ZNF366: variants seen among roughly 807,000 people sequenced by gnomAD.
ZNF366 encodes the protein zinc finger protein 366, also known as dendritic cell-specific transcript protein.
In ZNF366, 20 loss-of-function variants were observed where a neutral mutation model predicts 47.2. The ratio of observed to expected loss-of-function variants is 0.42; its 90% CI spans 0.30 to 0.62. ZNF366 has a LOEUF of 0.62. ZNF366 is among the 20% of genes least tolerant of loss of function. ZNF366 has a pLI of 0.16. For synonymous variants in ZNF366, 421 were observed against 395.1 expected (o/e 1.07, Z -0.78); for missense variants, 987 against 976.3 (o/e 1.01, Z -0.15).
In ZNF366 at chr5:72,461,176, G is replaced by T; in HGVS notation, c.321C>A (p.His107Gln). The stretch of plus-strand genomic sequence containing the variant: ...ACAGCAAAGGGAGGTTGGGAAGGCC[G>T]TGGTTTTTGTTCTCCTCTGAGTGGA... ...LALHSEENKN[H>Q]GLPNLPLLFP... Residue 107 changes from histidine (H) to glutamine (Q), a missense_variant, in exon 2 of 5, where the codon CAC becomes CAA. This residue lies in a region of ZNF366 where 591 missense variants were observed against 560.9 expected (regional missense o/e 1.05). Transcript: ENST00000318442. 2 of 1,614,140 alleles carry T rather than the reference G, an allele frequency of 1.2e-6. No homozygotes were observed. Among genetic ancestry groups the T allele is most frequent in the Non-Finnish European group, 8.5e-7 (1 of 1,180,034 alleles).
chr5:72,462,441 C>T (rs1743334464), intron 1 of ZNF366, among the ~76,000 whole-genome samples: 1 of 152,064 alleles, frequency 6.6e-6, no homozygotes, highest in Admixed American at 6.5e-5. Context: ...ATAGGCATGT[C>T]TGAAAGAGCT....
chr5:72,485,743 G>T (rs927114613), intron 1 of ZNF366, among the ~76,000 whole-genome samples: 1 of 152,126 alleles, frequency 6.6e-6, no homozygotes, highest in Non-Finnish European at 1.5e-5. Context: ...CACAGTCCGC[G>T]CCGTGGCCTA....
intron 1 of ZNF366, among the ~76,000 whole-genome samples, chr5:72,497,125 G>T (rs912240244): frequency 2.6e-5 from 4 of 152,070 alleles, no homozygotes; most frequent in African/African-American, 9.7e-5. Flanking sequence ...TTTTCTTGAA[G>T]AGCAAAAGTC....
At chr5:72,485,722 A>G (rs1743877908) in intron 1 of ZNF366, among the ~76,000 whole-genome samples, 1 of 152,176 alleles carries the variant, frequency 6.6e-6, no homozygotes, top group African/African-American at 2.4e-5. Context: ...CATCTATTTC[A>G]GAGTAAAAGC....
intron 1 of ZNF366, among the ~76,000 whole-genome samples, chr5:72,501,752 C>T (rs999528933): frequency 1.3e-5 from 2 of 152,182 alleles, no homozygotes; most frequent in African/African-American, 4.8e-5. Context: ...AACAAATGAC[C>T]GTTCTCTGTC....
At chr5:72,468,643 A>G (rs112864396) in intron 1 of ZNF366, among the ~76,000 whole-genome samples, 22 of 152,380 alleles carry the variant, frequency 1.4e-4, no homozygotes, top group African/African-American at 5.3e-4. Context: ...CAACAGATTC[A>G]GCTACTAACT....
chr5:72,461,701 GA>G (rs1743317310), intron 1 of ZNF366, among the ~76,000 whole-genome samples, 191 bp from the exon 2 acceptor site: 1 of 152,098 alleles, frequency 6.6e-6, no homozygotes, highest in Non-Finnish European at 1.5e-5. Flanking sequence ...TATCAATATG[GA>G]TAGCACTGGC....
intron 1 of ZNF366, 107 bp downstream of exon 1, chr5:72,507,144 T>C: frequency 1.2e-6 from 1 of 846,686 alleles, no homozygotes; most frequent in Non-Finnish European, 1.4e-6. Context: ...TTATACCCTT[T>C]GGTTAAGGAC....
At chr5:72,466,539 G>T (rs1279243359) in intron 1 of ZNF366, among the ~76,000 whole-genome samples, 1 of 152,168 alleles carries the variant, frequency 6.6e-6, no homozygotes, top group Admixed American at 6.5e-5. Context: ...TGCAATTCTT[G>T]CTAAACTGTG....
intron 3 of ZNF366, among the ~76,000 whole-genome samples, chr5:72,448,139 C>T (rs1469858900): frequency 6.6e-6 from 1 of 152,060 alleles, no homozygotes; most frequent in Non-Finnish European, 1.5e-5. Context: ...TTTTAAGTTG[C>T]TTTATTTTCT....
chr5:72,443,863 G>T lies in ZNF366; in HGVS notation c.2128C>A (p.Arg710=). 6.2e-7 allele frequency: 1 copy of T among 1,614,144 alleles called. No homozygotes were observed. The change falls in exon 5 of 5, where the codon CGG becomes AGG. Residue 710 remains arginine, a synonymous_variant. Coordinates refer to ENST00000318442, the MANE Select transcript of ZNF366 (RefSeq NM_152625.3). ...AAGTAATCAGAAAAAGAGGGGCCCC[G>T]CCGGGTACTCTGAAAAGCCCTGAGA... The part of the protein sequence containing the change: ...LSLRAFQSTR[R]GPSFSDYLYF...
intron 1 of ZNF366, among the ~76,000 whole-genome samples, chr5:72,504,035 ACACACACACATG>A (rs1157036110): frequency 1.3e-5 from 2 of 151,644 alleles, no homozygotes; most frequent in Non-Finnish European, 2.9e-5. Flanking sequence ...ATCAGGCACC[ACACACACACATG>A]CACACACGCA....
At chr5:72,463,498 T>C (rs1027325950) in intron 1 of ZNF366, among the ~76,000 whole-genome samples, 5 of 152,248 alleles carry the variant, frequency 3.3e-5, no homozygotes, top group Non-Finnish European at 5.9e-5. Flanking sequence ...GAGCAAGCTC[T>C]TGTATGTCCA....
chr5:72,451,902 T>C (rs1241975165), intron 3 of ZNF366, among the ~76,000 whole-genome samples: 1 of 152,190 alleles, frequency 6.6e-6, no homozygotes, highest in East Asian at 1.9e-4. Flanking sequence ...CCCGGCCTCC[T>C]GGCACCCTTC....
At chr5:72,445,043 T>C (rs991231815) in intron 4 of ZNF366, among the ~76,000 whole-genome samples, 3 of 152,222 alleles carry the variant, frequency 2.0e-5, no homozygotes, top group African/African-American at 7.2e-5. Context: ...CACCCCTGAC[T>C]GTGGCCCCTT....
intron 1 of ZNF366, among the ~76,000 whole-genome samples, chr5:72,497,884 T>A (rs1744143672): frequency 1.3e-5 from 2 of 152,228 alleles, no homozygotes; most frequent in Non-Finnish European, 2.9e-5. Context: ...TGCATGTTTA[T>A]AAGCCAACTA....
At chr5:72,502,969 C>CA in intron 1 of ZNF366, among the ~76,000 whole-genome samples, 1 of 152,068 alleles carries the variant, frequency 6.6e-6, no homozygotes, top group African/African-American at 2.4e-5. Context: ...ACTAAAAATA[C>CA]AAAAAATTAG....
Position 72,451,113 on chromosome 5 carries a change from A to T in ZNF366, c.1525-3696T>A, listed in dbSNP as rs1456919391. ...GTGCCCAAGCAGGACCTGCTGAATC[A>T]TCTCTGCCAAGGTCTGTGGAGATGA... On this transcript the variant is annotated intron_variant, in intron 3 of 4. Transcript: ENST00000318442. 3.9e-5 allele frequency among the ~76,000 whole-genome samples: 6 copies of T among 152,316 alleles called. No individual in the cohort carries two copies. The East Asian group carries it at 9.7e-4, about 25-fold the overall frequency.
chr5:72,459,711 C>A (rs1442258425), intron 2 of ZNF366, among the ~76,000 whole-genome samples: 1 of 152,146 alleles, frequency 6.6e-6, no homozygotes, highest in Non-Finnish European at 1.5e-5. Context: ...GAAAACAATC[C>A]AAAAAGTTTT....
Sources: allele counts gnomAD v4.1 joint callset (sites outside exome capture counted in the v4.1 genomes callset), GRCh38; gene constraint gnomAD v4.1.1; regional missense constraint gnomAD v4.1.1; transcripts MANE v1.5; gene names NCBI Gene and HGNC (gene_info 2026-07-23, HGNC 2026-07-21).